Variants in RSU1 observed in about 807,000 individuals in gnomAD.
RSU1 encodes rsu-1.
RSU1 carries 26 observed loss-of-function variants against 31.1 expected under a neutral mutation model. The observed-to-expected ratio is 0.84, with a 90% CI of 0.61 to 1.16. The LOEUF is 1.16. RSU1 is among the 50% of genes most tolerant of loss of function. RSU1 has a pLI of 0.00. For synonymous variants in RSU1, 164 were observed against 136.3 expected (o/e 1.20, Z -1.41); for missense variants, 320 against 339.1 (o/e 0.94, Z 0.44).
chr10:16,749,611 G>A (rs540907873), intron 7 of RSU1, among the ~76,000 whole-genome samples: 43 of 152,244 alleles, frequency 2.8e-4, no homozygotes, highest in Admixed American at 6.5e-4. Flanking sequence ...CACCTCAGGC[G>A]TTGGGGACAC....
intron 3 of RSU1, among the ~76,000 whole-genome samples, chr10:16,772,816 G>A (rs1247436285): frequency 1.3e-5 from 2 of 152,182 alleles, no homozygotes; most frequent in Non-Finnish European, 2.9e-5. Flanking sequence ...AACATTACAA[G>A]GTAGATAGTC....
chr10:16,749,083 T>G (rs939754937), intron 7 of RSU1, among the ~76,000 whole-genome samples: 3 of 152,100 alleles, frequency 2.0e-5, no homozygotes, highest in Non-Finnish European at 4.4e-5. Flanking sequence ...TGCCCTCAAA[T>G]AGGAACTTAA....
chr10:16,645,280 T>C (rs1366526688), intron 8 of RSU1, among the ~76,000 whole-genome samples: 1 of 152,202 alleles, frequency 6.6e-6, no homozygotes, highest in African/African-American at 2.4e-5. Flanking sequence ...AAGTATTCAT[T>C]CTAGGTGAGA....
chr10:16,638,738 C>T (rs939524990), intron 8 of RSU1, among the ~76,000 whole-genome samples: 8 of 152,150 alleles, frequency 5.3e-5, no homozygotes, highest in Admixed American at 2.0e-4. Context: ...TTCTGAAATG[C>T]GAGGAGGCCT....
intron 7 of RSU1, among the ~76,000 whole-genome samples, chr10:16,719,740 G>A (rs1836215998): frequency 6.6e-6 from 1 of 152,166 alleles, no homozygotes; most frequent in Admixed American, 6.5e-5. Context: ...TCTAAGCTCT[G>A]TCTGCATCAA....
intron 4 of RSU1, among the ~76,000 whole-genome samples, chr10:16,758,052 C>T (rs898465270): frequency 2.6e-5 from 4 of 152,198 alleles, no homozygotes; most frequent in African/African-American, 9.7e-5. Context: ...ATTGCAGATT[C>T]CTTTTTCCTT....
intron 3 of RSU1, among the ~76,000 whole-genome samples, chr10:16,765,334 A>G (rs543311637): frequency 6.6e-6 from 1 of 151,706 alleles, no homozygotes; most frequent in African/African-American, 2.4e-5. Flanking sequence ...TTGATCAGTA[A>G]CACACACACA....
intron 7 of RSU1, among the ~76,000 whole-genome samples, chr10:16,697,535 G>A (rs547501984): frequency 1.3e-5 from 2 of 152,086 alleles, no homozygotes; most frequent in South Asian, 4.1e-4. Flanking sequence ...ACAGTGGTGC[G>A]CACCTGTAGT....
intron 2 of RSU1, among the ~76,000 whole-genome samples, chr10:16,796,181 G>C (rs767529986): frequency 6.6e-6 from 1 of 152,124 alleles, no homozygotes; most frequent in East Asian, 1.9e-4. Context: ...CTCGTAGGCA[G>C]CTCAACCATT....
intron 2 of RSU1, among the ~76,000 whole-genome samples, chr10:16,806,436 T>C (rs1421307524): frequency 6.6e-6 from 1 of 152,196 alleles, no homozygotes; most frequent in African/African-American, 2.4e-5. Flanking sequence ...CTCTACCACT[T>C]ATTGCCTGGG....
intron 8 of RSU1, among the ~76,000 whole-genome samples, chr10:16,664,923 C>A (rs187809188): frequency 1.4e-4 from 22 of 152,132 alleles, no homozygotes; most frequent in Admixed American, 1.4e-3. Context: ...TATTATGTGT[C>A]TGACTCAGTT....
At chr10:16,692,775 T>C (rs993446057) in intron 8 of RSU1, among the ~76,000 whole-genome samples, 2 of 152,234 alleles carry the variant, frequency 1.3e-5, no homozygotes, top group South Asian at 2.1e-4. Context: ...CATATCTATA[T>C]GGCTTATGAA....
At position 16,727,214 on chromosome 10, in the gene RSU1, C is replaced by T. The variant is rs74922967; in HGVS notation, c.598+25325G>A. ...GGACTCACCTGGGCGGAAAGAGTGA[C>T]GATGTTCCGCCTGGCTGCATCTTTT... On this transcript the variant is annotated intron_variant, in intron 7 of 8. Transcript: ENST00000345264. The T allele has an allele frequency of 8.4e-3, 3,758 of 447,442 alleles. 29 individuals carry two copies. Among genetic ancestry groups the T allele is most frequent in the Non-Finnish European group, 0.012 (2,676 of 220,884 alleles). The allele number at this position is 447,442 out of a possible 1,614,324, so 27.7% of individuals were successfully genotyped here. A position where few individuals can be genotyped will look rare whatever the true frequency, so the allele number is the denominator to read the frequency against.
chr10:16,752,520 C>A lies in RSU1; in HGVS notation c.598+19G>T. ...TATTCATGAAACCCAGAACTAAGTTCATTCATCAGCAACCTTACCTAGTTC... is the reference window on the plus strand; with the variant it reads ...TATTCATGAAACCCAGAACTAAGTTAATTCATCAGCAACCTTACCTAGTTC... On this transcript the variant is annotated intron_variant, in intron 7 of 8. Coordinates refer to ENST00000345264, the MANE Select transcript of RSU1 (RefSeq NM_012425.4). The A allele has an allele frequency of 6.4e-7, 1 of 1,558,146 alleles. No homozygotes were observed. Among genetic ancestry groups the A allele is most frequent in the Non-Finnish European group, 8.9e-7 (1 of 1,129,508 alleles).
At chr10:16,693,629 G>C (rs528638880) in intron 8 of RSU1, among the ~76,000 whole-genome samples, 1 of 152,208 alleles carries the variant, frequency 6.6e-6, no homozygotes, top group Non-Finnish European at 1.5e-5. Context: ...TTTGGAAGAT[G>C]AAAGCAGGAT....
intron 8 of RSU1, among the ~76,000 whole-genome samples, chr10:16,628,744 G>A (rs1026842459): frequency 2.6e-5 from 4 of 152,146 alleles, no homozygotes; most frequent in East Asian, 3.9e-4. Flanking sequence ...TAGTTTAGCC[G>A]AACATGAGAA....
chr10:16,635,689 CT>C (rs1834333413), intron 8 of RSU1, among the ~76,000 whole-genome samples: 1 of 152,264 alleles, frequency 6.6e-6, no homozygotes, highest in South Asian at 2.1e-4. Flanking sequence ...TACTGCCTTT[CT>C]TAAAAACACC....
intron 8 of RSU1, among the ~76,000 whole-genome samples, chr10:16,596,029 T>G (rs1833606454): frequency 6.6e-6 from 1 of 151,914 alleles, no homozygotes; most frequent in African/African-American, 2.4e-5. Context: ...TCCCCCAACC[T>G]ACACTTTTAA....
Position 16,592,403 on chromosome 10 carries a change from A to T in RSU1, c.*991T>A, listed in dbSNP as rs564865399. 2.0e-5 allele frequency: 3 copies of T among 152,332 alleles called. No individual in the cohort carries two copies. The highest frequency in any genetic ancestry group is 1.9e-4 in the East Asian group (1 of 5,190). The allele number at this position is 152,332 out of a possible 1,614,324, so 9.4% of individuals were successfully genotyped here. On this transcript the variant is annotated 3_prime_UTR_variant, in exon 9 of 9. Transcript: ENST00000345264. ...GAAAAGAAGGAAAGCTGCCTATCAC[A>T]GATGTTAAACAAACAATTGATTGTT...
Sources: allele counts gnomAD v4.1 joint callset (sites outside exome capture counted in the v4.1 genomes callset), GRCh38; gene constraint gnomAD v4.1.1; transcripts MANE v1.5; gene names NCBI Gene and HGNC (gene_info 2026-07-23, HGNC 2026-07-21).